The following RPA1 variants were observed in gnomAD, a reference collection of about 807,000 sequenced individuals.
The protein encoded by RPA1 is replication protein A1.
Under a neutral mutation model 83.0 loss-of-function variants are expected in RPA1, and 49 were observed. The observed-to-expected ratio is 0.59, with a 90% CI of 0.47 to 0.75. RPA1 has a LOEUF of 0.75. Ranked by LOEUF, RPA1 falls within the 30% of genes least tolerant of loss-of-function variation. RPA1 has a pLI of 0.00. For missense variants in RPA1, 693 were observed against 776.1 expected (o/e 0.89, Z 1.27); for synonymous variants, 279 against 281.8 (o/e 0.99, Z 0.10).
intron 13 of RPA1, among the ~76,000 whole-genome samples, chr17:1,886,274 T>C (rs894101652): frequency 2.0e-5 from 3 of 152,252 alleles, no homozygotes; most frequent in African/African-American, 4.8e-5. Context: ...TAAATAGATA[T>C]GCTGTCATCC....
rs905959514 is a variant in RPA1, at chr17:1,875,585, A to G, written c.455-76A>G. 4.7e-6 allele frequency: 7 copies of G among 1,490,732 alleles called. No homozygotes were observed. The African/African-American group carries it at 8.5e-5, about 18-fold the overall frequency. 92.3% of individuals were successfully genotyped at this position (1,490,732 alleles called of 1,614,324 possible). On this transcript the variant is annotated intron_variant, in intron 6 of 16. Coordinates refer to ENST00000254719, the MANE Select transcript of RPA1 (RefSeq NM_002945.5). ...CACTAGTGGCACCTCCAAAATTTAG[A>G]GTTATTGTAAAGCTTACTATAAAAA...
intron 15 of RPA1, among the ~76,000 whole-genome samples, chr17:1,893,331 G>A (rs549945806): frequency 9.2e-5 from 14 of 152,352 alleles, no homozygotes; most frequent in Non-Finnish European, 1.5e-4. Context: ...CCGAGGAACC[G>A]TGAGATCCTG....
chr17:1,870,417 C>G (rs1483935327), intron 5 of RPA1, among the ~76,000 whole-genome samples: 1 of 152,158 alleles, frequency 6.6e-6, no homozygotes, highest in East Asian at 1.9e-4. Context: ...AAATGTGGAT[C>G]TTAGAATAGG....
chr17:1,883,921 G>A lies in RPA1; in HGVS notation c.1351G>A (p.Glu451Lys), dbSNP rs766029943. ...NWKTLYEVKS[E>K]NLGQGDKPDY... ...GAAAACCTTGTATGAGGTCAAATCC[G>A]AGAACCTGGGCCAAGGCGACAAGGT... The change falls in exon 13 of 17, where the codon GAG (glutamate) becomes AAG (lysine). Residue 451 changes from glutamate to lysine, a missense_variant. By Grantham distance (56) the Glu-to-Lys change is moderately conservative (BLOSUM62 1). Transcript: ENST00000254719. 3.7e-6 allele frequency: 6 copies of A among 1,613,982 alleles called. No homozygotes were observed. The highest frequency in any genetic ancestry group is 1.7e-4 in the Middle Eastern group (1 of 5,964).
chr17:1,879,320 T>C lies in RPA1; in HGVS notation c.865T>C (p.Cys289Arg), dbSNP rs755623911. 4 of 1,614,082 alleles carry C rather than the reference T, an allele frequency of 2.5e-6. No individual in the cohort carries two copies. Among genetic ancestry groups the C allele is most frequent in the Non-Finnish European group, 2.5e-6 (3 of 1,180,050 alleles). ...TFNNETSVMP[C>R]EDDHHLPTVQ... ...CAATAACGAGACTTCCGTCATGCCC[T>C]GTGAGGACGACCATCATTTACCTAC... is the stretch of plus-strand genomic sequence containing the variant. Residue 289 changes from cysteine (C) to arginine (R), a missense_variant, in exon 10 of 17, where the codon TGT becomes CGT. Physicochemically the swap from Cys to Arg is radical, Grantham distance 180 (BLOSUM62 -3). Coordinates refer to ENST00000254719, the MANE Select transcript of RPA1 (RefSeq NM_002945.5).
chr17:1,875,672 T>C lies in RPA1; in HGVS notation c.466T>C (p.Ser156Pro). 1 of 1,613,534 alleles carries C rather than the reference T, an allele frequency of 6.2e-7. No homozygotes were observed. Among genetic ancestry groups the C allele is most frequent in the East Asian group, 2.2e-5 (1 of 44,876 alleles). The change falls in exon 7 of 17, where the codon TCT becomes CCT. Residue 156 changes from serine to proline, a missense_variant. Transcript: ENST00000254719. ...GTTTGTTTTTAAAGGTTCTACTGTT[T>C]CTAAGGCTTATGGTGCTTCAAAGAC... ...NGSSGMGSTV[S>P]KAYGASKTFG...
chr17:1,862,717 C>CTTTT lies in RPA1; in HGVS notation c.361+9547_361+9550dup, dbSNP rs71150827. The stretch of plus-strand genomic sequence containing the variant: ...TATTGGCGTGAGTCACTGTGCCCAG[C>CTTTT]TTTTTTTTTTTTTTTTTTTTTTGAG... On this transcript the variant is annotated intron_variant, in intron 5 of 16. Transcript: ENST00000254719. 1.6e-3 allele frequency among the ~76,000 whole-genome samples: 82 copies of CTTTT among 51,772 alleles called. 4 individuals are homozygous for CTTTT. The highest frequency in any genetic ancestry group is 2.2e-3 in the Non-Finnish European group (64 of 29,474). 34.0% of individuals were successfully genotyped at this position (51,772 alleles called of 152,430 possible).
chr17:1,897,293 C>G lies in RPA1; in HGVS notation c.*118C>G, dbSNP rs1914479311. The G allele has an allele frequency of 1.3e-6, 1 of 767,416 alleles. No individual in the cohort carries two copies. The highest frequency in any genetic ancestry group is 1.8e-5 in the South Asian group (1 of 54,246). 47.5% of individuals were successfully genotyped at this position (767,416 alleles called of 1,614,324 possible). A position where few individuals can be genotyped will look rare whatever the true frequency, so the allele number is the denominator to read the frequency against. ...CAGTGCAGAGGCTCTTGATGGTGGA[C>G]TAAGCAATTTCCCCCCTCGTGCGCA... On this transcript the variant is annotated 3_prime_UTR_variant, in exon 17 of 17. Coordinates refer to ENST00000254719, the MANE Select transcript of RPA1 (RefSeq NM_002945.5).
intron 7 of RPA1, 28 bp downstream of exon 7, chr17:1,875,821 A>G (rs1029962221): frequency 1.3e-6 from 2 of 1,594,248 alleles, no homozygotes; most frequent in East Asian, 2.3e-5. Flanking sequence ...GTAAGTTCAG[A>G]GTGTACTTAT....
At chr17:1,862,397 A>G (rs186953397) in intron 5 of RPA1, among the ~76,000 whole-genome samples, 18 of 146,584 alleles carry the variant, frequency 1.2e-4, no homozygotes, top group African/African-American at 4.2e-4. Context: ...GTAGATGTTA[A>G]TATCGATTAG....
In RPA1 at chr17:1,897,313, T is replaced by C. The variant is rs933301289; in HGVS notation, c.*138T>C. On this transcript the variant is annotated 3_prime_UTR_variant, in exon 17 of 17. Coordinates refer to ENST00000254719, the MANE Select transcript of RPA1 (RefSeq NM_002945.5). Reference sequence around the variant, plus strand: ...GTGGACTAAGCAATTTCCCCCCTCGTGCGCATCTCAGAACCCATCGGTAGG... The same window carrying C: ...GTGGACTAAGCAATTTCCCCCCTCGCGCGCATCTCAGAACCCATCGGTAGG... 2.1e-4 allele frequency: 136 copies of C among 658,592 alleles called. No individual in the cohort carries two copies. The African/African-American group carries it at 2.4e-3, about 11-fold the overall frequency. 40.8% of individuals were successfully genotyped at this position (658,592 alleles called of 1,614,324 possible). A position where few individuals can be genotyped will look rare whatever the true frequency, so the allele number is the denominator to read the frequency against.
intron 5 of RPA1, among the ~76,000 whole-genome samples, chr17:1,867,845 G>A (rs1220901474): frequency 6.6e-6 from 1 of 152,160 alleles, no homozygotes; most frequent in Non-Finnish European, 1.5e-5. Flanking sequence ...TTGGGAGGTC[G>A]AGGCAGGAGG....
In RPA1 at chr17:1,897,935, A is replaced by T. The variant is rs1914507295; in HGVS notation, c.*760A>T. The T allele has an allele frequency of 6.6e-6, 1 of 152,428 alleles. No individual in the cohort carries two copies. Among genetic ancestry groups the T allele is most frequent in the African/African-American group, 2.4e-5 (1 of 41,436 alleles). The allele number at this position is 152,428 out of a possible 1,614,324, so 9.4% of individuals were successfully genotyped here. A position where few individuals can be genotyped will look rare whatever the true frequency, so the allele number is the denominator to read the frequency against. Reference sequence around the variant, plus strand: ...GCTGCGCTTCGCTTGGTGAGTGCGTACTTTTTCTACCTGTACACATTCCTG... The same window carrying T: ...GCTGCGCTTCGCTTGGTGAGTGCGTTCTTTTTCTACCTGTACACATTCCTG... On this transcript the variant is annotated 3_prime_UTR_variant, in exon 17 of 17. Transcript: ENST00000254719.
At chr17:1,839,298 T>C (rs1485152627) in intron 1 of RPA1, among the ~76,000 whole-genome samples, 1 of 152,142 alleles carries the variant, frequency 6.6e-6, no homozygotes, top group African/African-American at 2.4e-5. Flanking sequence ...AATCTGGCAT[T>C]GTAAATTCTC....
intron 9 of RPA1, 30 bp from the exon 10 acceptor site, chr17:1,879,185 T>G: frequency 6.2e-7 from 1 of 1,610,926 alleles, no homozygotes; most frequent in African/African-American, 1.3e-5. Flanking sequence ...GATGGTAGTC[T>G]CAGGTTCTGT....
intron 12 of RPA1, among the ~76,000 whole-genome samples, chr17:1,883,375 A>C (rs903705218): frequency 6.6e-6 from 1 of 151,998 alleles, no homozygotes; most frequent in Admixed American, 6.6e-5. Context: ...GTTGGCCAGG[A>C]TAGTCTTGAT....
intron 4 of RPA1, among the ~76,000 whole-genome samples, chr17:1,847,736 A>G (rs1303178112): frequency 1.3e-5 from 2 of 152,142 alleles, no homozygotes; most frequent in African/African-American, 2.4e-5. Flanking sequence ...AAGAGTATCT[A>G]TTGGCCAGGC....
intron 15 of RPA1, among the ~76,000 whole-genome samples, chr17:1,894,615 C>T (rs1198346295): frequency 4.6e-5 from 7 of 152,216 alleles, no homozygotes; most frequent in Admixed American, 6.5e-5. Flanking sequence ...TCACCACCAT[C>T]CTTTTCCAGT....
In RPA1 at chr17:1,879,013, T is replaced by C; in HGVS notation, c.711T>C (p.Ala237=). The C allele has an allele frequency of 6.2e-7, 1 of 1,614,188 alleles. No homozygotes were observed. The highest frequency in any genetic ancestry group is 8.5e-7 in the Non-Finnish European group (1 of 1,180,032). ...TGCAGGGTGAAATCCGAGCTACAGC[T>C]TTCAATGAGCAAGTGGACAAGTTCT... The part of the protein sequence containing the change: ...VDESGEIRAT[A]FNEQVDKFFP... The change falls in exon 9 of 17, where the codon GCT becomes GCC. Residue 237 remains alanine (A), a synonymous_variant. Transcript: ENST00000254719.
Sources: allele counts gnomAD v4.1 joint callset (sites outside exome capture counted in the v4.1 genomes callset), GRCh38; gene constraint gnomAD v4.1.1; transcripts MANE v1.5; gene names NCBI Gene and HGNC (gene_info 2026-07-23, HGNC 2026-07-21).